The following CAPZB variants were observed in gnomAD, a reference collection of about 807,000 sequenced individuals.
CAPZB encodes F-actin-capping protein subunit beta.
Under a neutral mutation model 38.1 loss-of-function variants are expected in CAPZB, and 2 were observed. The ratio of observed to expected loss-of-function variants is 0.05; its 90% CI spans 0.02 to 0.17. The LOEUF is 0.17. CAPZB is among the 10% of genes least tolerant of loss of function. CAPZB has a pLI of 1.00. For synonymous variants in CAPZB, 107 were observed against 127.4 expected, an observed-to-expected ratio of 0.84 and a Z score of 1.08; for missense variants, 161 against 334.2, an observed-to-expected ratio of 0.48 and a Z score of 4.04.
chr1:19,469,753 C>G (rs1038714905), intron 1 of CAPZB, among the ~76,000 whole-genome samples: 1 of 146,748 alleles, frequency 6.8e-6, no homozygotes. Flanking sequence ...CACACACACA[C>G]ACACACACAC....
intron 6 of CAPZB, among the ~76,000 whole-genome samples, chr1:19,349,403 C>T (rs1358351876): frequency 3.3e-5 from 5 of 151,918 alleles, no homozygotes; most frequent in African/African-American, 7.3e-5. Context: ...TCCATGTGGA[C>T]GGCAGATTCC....
At chr1:19,457,076 C>A (rs897483871) in intron 1 of CAPZB, among the ~76,000 whole-genome samples, 3 of 152,172 alleles carry the variant, frequency 2.0e-5, no homozygotes, top group African/African-American at 7.2e-5. Flanking sequence ...AGAAAAAAGG[C>A]AGTCATTCTA....
intron 1 of CAPZB, among the ~76,000 whole-genome samples, chr1:19,480,795 G>A (rs375878071): frequency 6.6e-6 from 1 of 152,174 alleles, no homozygotes; most frequent in African/African-American, 2.4e-5. Context: ...TAGGTAAGTT[G>A]TGCGTTCAAG....
rs1302429895 is a variant in CAPZB, at chr1:19,344,374, T to C, written c.715A>G (p.Ile239Val). ...NEIYFGKTKD[I>V]VNGLRSVQTF... ...GTACATTACCTCAGCCCATTGACGA[T>C]ATCCTTTGTTTTTCCAAAGTAGATC... Residue 239 changes from isoleucine (I) to valine (V), a missense_variant, in exon 8 of 9, where the codon ATC becomes GTC. By Grantham distance (29) the Ile-to-Val change is conservative. Coordinates refer to ENST00000264202, the MANE Select transcript of CAPZB (RefSeq NM_004930.5). 7 of 1,613,272 alleles carry C rather than the reference T, an allele frequency of 4.3e-6. No individual in the cohort carries two copies. The South Asian group carries it at 6.6e-5, about 15-fold the overall frequency.
intron 3 of CAPZB, among the ~76,000 whole-genome samples, chr1:19,380,239 A>G (rs2094166886): frequency 6.6e-6 from 1 of 152,102 alleles, no homozygotes; most frequent in Non-Finnish European, 1.5e-5. Flanking sequence ...TGGTGTCCCC[A>G]AAGAGTCTCC....
chr1:19,451,062 CTG>C (rs2094514377), intron 1 of CAPZB, among the ~76,000 whole-genome samples: 1 of 152,228 alleles, frequency 6.6e-6, no homozygotes, highest in African/African-American at 2.4e-5. Context: ...TTATCACTGA[CTG>C]TTACTCACAA....
intron 3 of CAPZB, among the ~76,000 whole-genome samples, chr1:19,378,916 CCTCA>C (rs2094157781): frequency 6.6e-6 from 1 of 152,162 alleles, no homozygotes; most frequent in Non-Finnish European, 1.5e-5. Flanking sequence ...ACTCCCTGAG[CCTCA>C]CTTTTCTCCT....
chr1:19,368,043 A>G (rs2094099637), intron 4 of CAPZB, among the ~76,000 whole-genome samples: 1 of 152,136 alleles, frequency 6.6e-6, no homozygotes, highest in African/African-American at 2.4e-5. Context: ...ACTCTCATCC[A>G]AAGCTGCCAT....
chr1:19,392,528 TAA>T (rs58626568), intron 2 of CAPZB, among the ~76,000 whole-genome samples: 35,466 of 129,290 alleles, frequency 0.27, 4,547 homozygotes, highest in Non-Finnish European at 0.3. Context: ...TCTTAAGAAT[TAA>T]AAAAAAAAAA....
At chr1:19,412,520 C>T (rs551211519) in intron 2 of CAPZB, among the ~76,000 whole-genome samples, 15 of 152,204 alleles carry the variant, frequency 9.9e-5, no homozygotes, top group South Asian at 4.1e-4. Context: ...TGGGTTCAAG[C>T]GATCCTTCCA....
At chr1:19,404,361 T>G (rs1160755661) in intron 2 of CAPZB, among the ~76,000 whole-genome samples, 1 of 150,992 alleles carries the variant, frequency 6.6e-6, no homozygotes, top group Non-Finnish European at 1.5e-5. Context: ...CTGGCCAAAT[T>G]GGTAAAACCG....
chr1:19,435,795 T>C (rs566103573), intron 1 of CAPZB, among the ~76,000 whole-genome samples: 24 of 152,162 alleles, frequency 1.6e-4, no homozygotes, highest in Non-Finnish European at 3.2e-4. Flanking sequence ...TACTCAATAC[T>C]CCACAGAGCC....
rs35288971 is a variant in CAPZB, at chr1:19,460,574, C to CTTTTTTTTTTTTT, written c.3+24849_3+24861dup. Among the ~76,000 whole-genome samples, 171 of 90,978 alleles carry CTTTTTTTTTTTTT rather than the reference C, an allele frequency of 1.9e-3. 1 individual carries two copies. The highest frequency in any genetic ancestry group is 2.8e-3 in the African/African-American group (62 of 21,764). The allele number at this position is 90,978 out of a possible 152,430, so 59.7% of individuals were successfully genotyped here. ...ACAGGCGTGAGCCACTGTGCCCAGG[C>CTTTTTTTTTTTTT]TTTTTTTTTTTTTTTTTTTTTTTGT... On this transcript the variant is annotated intron_variant, in intron 1 of 8. Transcript: ENST00000264202.
intron 1 of CAPZB, among the ~76,000 whole-genome samples, chr1:19,478,762 C>T (rs970847358): frequency 2.6e-5 from 4 of 152,140 alleles, no homozygotes; most frequent in African/African-American, 9.7e-5. Context: ...TAGACATCCA[C>T]GGAATGAATG....
Position 19,357,715 on chromosome 1 carries a change from T to G in CAPZB, c.330-152A>C. 3.0e-6 allele frequency: 2 copies of G among 672,902 alleles called. No individual in the cohort carries two copies. Among genetic ancestry groups the G allele is most frequent in the Non-Finnish European group, 5.0e-6 (2 of 401,184 alleles). 41.7% of individuals were successfully genotyped at this position (672,902 alleles called of 1,614,324 possible). On this transcript the variant is annotated intron_variant, in intron 4 of 8. Transcript: ENST00000264202. This position sits in a 1 kb window ranked among gnomAD's most constrained non-coding sequence, Gnocchi z 4.3. ...CCTTGGGTGTGTTCTGATCGTTCTGTGGCTGGGGGAGGGGGTGCAGCATTC... is the reference window on the plus strand; with the variant it reads ...CCTTGGGTGTGTTCTGATCGTTCTGGGGCTGGGGGAGGGGGTGCAGCATTC...
intron 1 of CAPZB, among the ~76,000 whole-genome samples, chr1:19,483,745 A>G (rs2094639565): frequency 6.6e-6 from 1 of 152,234 alleles, no homozygotes. Context: ...GCCTGGGGCC[A>G]GGCCCACCTC....
intron 1 of CAPZB, among the ~76,000 whole-genome samples, chr1:19,458,079 T>G (rs963590142): frequency 2.4e-4 from 30 of 124,146 alleles, no homozygotes; most frequent in African/African-American, 9.3e-4. Context: ...CTCATGTATA[T>G]AAGAAATAAA....
intron 4 of CAPZB, among the ~76,000 whole-genome samples, chr1:19,376,757 G>A (rs932111232): frequency 6.6e-6 from 1 of 152,212 alleles, no homozygotes; most frequent in East Asian, 1.9e-4. Context: ...CATCTACCAC[G>A]TACGAGGTGC....
chr1:19,365,657 C>T (rs2094079797), intron 4 of CAPZB, among the ~76,000 whole-genome samples: 2 of 152,004 alleles, frequency 1.3e-5, no homozygotes, highest in South Asian at 2.1e-4. Context: ...ATGGAGAAGC[C>T]CCGTCTCTAT....
Sources: gnomAD v4.1 joint callset for allele counts (sites outside exome capture counted in the v4.1 genomes callset) on GRCh38, gnomAD v4.1.1 for gene constraint, Gnocchi (gnomAD v3.1) non-coding constraint, MANE v1.5 for transcripts, NCBI Gene and HGNC (gene_info 2026-07-23, HGNC 2026-07-21) for gene names.